Variants in SORCS1 observed in about 807,000 individuals in gnomAD.
SORCS1 encodes the protein sortilin related VPS10 domain containing receptor 1.
A neutral mutation model predicts 146.1 loss-of-function variants in SORCS1; 60 were observed. The ratio of observed to expected loss-of-function variants is 0.41; its 90% CI spans 0.33 to 0.51. The LOEUF is 0.51. SORCS1 is among the 20% of genes least tolerant of loss of function. The pLI, the probability that SORCS1 is intolerant of heterozygous loss-of-function variation, is 0.21. For missense variants in SORCS1, 1,352 were observed against 1,487.6 expected (o/e 0.91, Z 1.50); for synonymous variants, 637 against 584.0 (o/e 1.09, Z -1.31).
chr10:106,619,739 G>T (rs2133484378), intron 20 of SORCS1, among the ~76,000 whole-genome samples: 1 of 152,268 alleles, frequency 6.6e-6, no homozygotes, highest in Non-Finnish European at 1.5e-5. Context: ...CACTCCAGCT[G>T]CACCACCCTC....
intron 2 of SORCS1, among the ~76,000 whole-genome samples, chr10:106,911,194 G>A (rs899514301): frequency 6.6e-6 from 1 of 152,166 alleles, no homozygotes; most frequent in South Asian, 2.1e-4. Context: ...TCTTTGTTGC[G>A]ACTGATGACA....
chr10:106,801,720 T>C (rs1386429376), intron 3 of SORCS1, among the ~76,000 whole-genome samples: 7 of 152,054 alleles, frequency 4.6e-5, no homozygotes, highest in East Asian at 3.9e-4. Context: ...TTACTAGAGA[T>C]GTGGTTTCAC....
chr10:106,599,009 C>T (rs1372556992), intron 23 of SORCS1, among the ~76,000 whole-genome samples: 1 of 152,104 alleles, frequency 6.6e-6, no homozygotes, highest in Non-Finnish European at 1.5e-5. Flanking sequence ...ATGCTGAAAA[C>T]AAAAACAACT....
chr10:107,125,301 C>G (rs1966653046), intron 1 of SORCS1, among the ~76,000 whole-genome samples: 1 of 152,046 alleles, frequency 6.6e-6, no homozygotes, highest in Non-Finnish European at 1.5e-5. Context: ...TTCAGAAAGG[C>G]CTAGAAGTTT....
intron 1 of SORCS1, among the ~76,000 whole-genome samples, chr10:107,008,018 C>CT (rs1347589419): frequency 1.3e-5 from 2 of 151,722 alleles, no homozygotes; most frequent in East Asian, 3.8e-4. Flanking sequence ...ATTTATTTGT[C>CT]TATTGTAGGT....
intron 1 of SORCS1, among the ~76,000 whole-genome samples, chr10:106,978,453 A>G (rs934465180): frequency 2.6e-5 from 4 of 152,188 alleles, no homozygotes; most frequent in African/African-American, 7.2e-5. Flanking sequence ...TACAAAGTTT[A>G]ATCTGACAGC....
chr10:106,752,404 C>A (rs1049865443), intron 5 of SORCS1, among the ~76,000 whole-genome samples: 2 of 152,172 alleles, frequency 1.3e-5, no homozygotes, highest in Non-Finnish European at 2.9e-5. Flanking sequence ...AAGACTAAAA[C>A]TGTCCTGGCT....
rs559059149 is a variant in SORCS1 at position 106,599,542 on chromosome 10, C to T, written c.3166-2092G>A. Among the ~76,000 whole-genome samples the T allele has an allele frequency of 1.2e-4, 19 of 152,118 alleles. No individual in the cohort carries two copies. The South Asian group carries it at 2.3e-3, about 18-fold the overall frequency. On this transcript the variant is annotated intron_variant, in intron 23 of 25. Coordinates refer to ENST00000263054, the MANE Select transcript of SORCS1 (RefSeq NM_052918.5). Reference sequence around the variant, plus strand: ...CAGTGGAGTTTTTAGAGGTCTATCACAAAGGTTTTAGCTATGAAATACACA... The same window carrying T: ...CAGTGGAGTTTTTAGAGGTCTATCATAAAGGTTTTAGCTATGAAATACACA...
intron 1 of SORCS1, among the ~76,000 whole-genome samples, chr10:106,986,787 T>C (rs182983780): frequency 2.4e-4 from 36 of 152,342 alleles, no homozygotes; most frequent in African/African-American, 8.7e-4. Context: ...TTTTAGATCG[T>C]ATGTTTTCAC....
rs373127723 is a variant in SORCS1 at position 106,860,060 on chromosome 10, C to T, written c.627-30387G>A. Among the ~76,000 whole-genome samples the T allele has an allele frequency of 7.9e-5, 12 of 152,298 alleles. No individual in the cohort carries two copies. In the East Asian group the frequency reaches 1.4e-3, roughly 17 times the overall value. On this transcript the variant is annotated intron_variant, in intron 2 of 25. Transcript: ENST00000263054. ...TTTGGAGGGTTTGGGAGCAAGAAAA[C>T]TTCAGGGCTTCCAGCTGAGTTTGTG...
At chr10:106,609,893 G>C (rs1275480700) in intron 22 of SORCS1, among the ~76,000 whole-genome samples, 2 of 152,234 alleles carry the variant, frequency 1.3e-5, no homozygotes, top group Admixed American at 1.3e-4. Context: ...GAGTTGGACA[G>C]ATAGAGGACC....
intron 3 of SORCS1, among the ~76,000 whole-genome samples, chr10:106,814,089 G>A (rs556527736): frequency 1.3e-5 from 2 of 152,258 alleles, no homozygotes; most frequent in Admixed American, 6.5e-5. Context: ...AACCAGTACT[G>A]AGACCTGGAC....
intron 1 of SORCS1, among the ~76,000 whole-genome samples, chr10:107,021,377 G>A (rs1958123922): frequency 6.6e-6 from 1 of 151,504 alleles, no homozygotes; most frequent in African/African-American, 2.4e-5. Flanking sequence ...AGCCGGGCAT[G>A]GTGGCGGGTG....
At chr10:106,594,426 A>C (rs1564754612) in intron 24 of SORCS1, among the ~76,000 whole-genome samples, 1 of 152,210 alleles carries the variant, frequency 6.6e-6, no homozygotes, top group South Asian at 2.1e-4. Flanking sequence ...CCATCATTTC[A>C]ATCATTTATC....
rs12258589 is a variant in SORCS1, at chr10:106,867,226, C to T, written c.627-37553G>A. ...CACCTACAAAGGGAATCCCATGAGGCTAACAGTAGACCTCTCAGCTAAAAC... is the reference window on the plus strand; with the variant it reads ...CACCTACAAAGGGAATCCCATGAGGTTAACAGTAGACCTCTCAGCTAAAAC... On this transcript the variant is annotated intron_variant, in intron 2 of 25. Coordinates refer to ENST00000263054, the MANE Select transcript of SORCS1 (RefSeq NM_052918.5). Among the ~76,000 whole-genome samples the T allele has an allele frequency of 9.8e-3, 1,486 of 152,072 alleles. 21 individuals are homozygous for T. Among genetic ancestry groups the T allele is most frequent in the African/African-American group, 0.034 (1,422 of 41,502 alleles).
intron 2 of SORCS1, among the ~76,000 whole-genome samples, chr10:106,922,712 G>A (rs777322197): frequency 2.0e-5 from 3 of 151,404 alleles, no homozygotes; most frequent in African/African-American, 4.9e-5. Flanking sequence ...GCCCAAATCC[G>A]CAGTTTACGT....
chr10:106,926,666 T>C (rs2138501578), intron 2 of SORCS1, among the ~76,000 whole-genome samples: 1 of 152,238 alleles, frequency 6.6e-6, no homozygotes, highest in South Asian at 2.1e-4. Flanking sequence ...TAAAGTCTCA[T>C]CCATAGGAAC....
Position 106,607,136 on chromosome 10 carries a change from T to C in SORCS1, c.3165+30A>G, listed in dbSNP as rs113085873. 1.8e-3 allele frequency: 2,892 copies of C among 1,611,270 alleles called. 47 individuals are homozygous for C. In the African/African-American group the frequency reaches 0.035, roughly 19 times the overall value. On this transcript the variant is annotated intron_variant, in intron 23 of 25. Transcript: ENST00000263054. ...TGAAGACTCCACAAACGGTTGAAGCTGAAAACGTCTCCTTTTCCAGGGGAC... is the reference window on the plus strand; with the variant it reads ...TGAAGACTCCACAAACGGTTGAAGCCGAAAACGTCTCCTTTTCCAGGGGAC...
chr10:106,813,654 C>T (rs1947590184), intron 3 of SORCS1, among the ~76,000 whole-genome samples: 1 of 152,110 alleles, frequency 6.6e-6, no homozygotes. Flanking sequence ...ATACCAAGGG[C>T]CAGGCAGAGT....
Sources: gnomAD v4.1 joint callset for allele counts (sites outside exome capture counted in the v4.1 genomes callset) on GRCh38, gnomAD v4.1.1 for gene constraint, MANE v1.5 for transcripts, NCBI Gene and HGNC (gene_info 2026-07-23, HGNC 2026-07-21) for gene names.